Variants in PRICKLE1 observed in about 807,000 individuals in gnomAD.
The protein encoded by PRICKLE1 is prickle planar cell polarity protein 1, also known as prickle-like protein 1.
A neutral mutation model predicts 70.2 loss-of-function variants in PRICKLE1; 14 were observed. That is an observed-to-expected ratio of 0.20 (90% confidence interval 0.13 to 0.31). The LOEUF (loss-of-function observed/expected upper bound fraction) is 0.31, where lower values mean the gene tolerates loss of function less well. Among genes scored for constraint, PRICKLE1 ranks in the 10% least tolerant of loss-of-function variants. The pLI is 1.00. For synonymous variants in PRICKLE1, 357 were observed against 379.9 expected, an observed-to-expected ratio of 0.94 and a Z score of 0.70; for missense variants, 821 against 1,026.2, an observed-to-expected ratio of 0.80 and a Z score of 2.73.
At chr12:42,549,253 T>C (rs1376417051) in intron 1 of PRICKLE1, among the ~76,000 whole-genome samples, 2 of 152,022 alleles carry the variant, frequency 1.3e-5, no homozygotes, top group Non-Finnish European at 2.9e-5. Flanking sequence ...CCCAGATGTG[T>C]ATGTTATCAA....
At chr12:42,488,744 A>T (rs962117214) in intron 1 of PRICKLE1, among the ~76,000 whole-genome samples, 4 of 152,186 alleles carry the variant, frequency 2.6e-5, no homozygotes, top group Non-Finnish European at 5.9e-5. Flanking sequence ...TATAAGTAAT[A>T]TTTGGTAAGC....
intron 5 of PRICKLE1, among the ~76,000 whole-genome samples, chr12:42,467,644 G>C (rs1053201249): frequency 6.6e-6 from 1 of 152,070 alleles, no homozygotes; most frequent in Non-Finnish European, 1.5e-5. Context: ...TACTCGGGGG[G>C]CTGAGGTGCA....
chr12:42,556,163 C>T (rs1478046885), intron 1 of PRICKLE1, among the ~76,000 whole-genome samples: 1 of 152,300 alleles, frequency 6.6e-6, no homozygotes, highest in South Asian at 2.1e-4. Flanking sequence ...GCTGAATGAG[C>T]GTCTCTGGCC....
intron 1 of PRICKLE1, among the ~76,000 whole-genome samples, chr12:42,497,058 A>C (rs1242672604): frequency 6.6e-6 from 1 of 152,146 alleles, no homozygotes; most frequent in African/African-American, 2.4e-5. Context: ...CTTACTCACT[A>C]AGCTTAATCA....
chr12:42,468,496 G>T, intron 5 of PRICKLE1, 130 bp downstream of exon 5: 1 of 861,062 alleles, frequency 1.2e-6, no homozygotes, highest in Non-Finnish European at 1.9e-6. Flanking sequence ...TGAATGTACA[G>T]GATTATGTTT....
At chr12:42,475,856 GC>G (rs1243529326) in intron 1 of PRICKLE1, among the ~76,000 whole-genome samples, 1 of 87,706 alleles carries the variant, frequency 1.1e-5, no homozygotes, top group Non-Finnish European at 2.4e-5. Context: ...CATTTGGGAG[GC>G]TGGGGGGGGG....
In PRICKLE1 at chr12:42,552,059, CTTT is replaced by C. The variant is rs201217516; in HGVS notation, c.-49+37403_-49+37405del. 4.6e-5 allele frequency among the ~76,000 whole-genome samples: 6 copies of C among 129,254 alleles called. No individual in the cohort carries two copies. The South Asian group carries it at 1.5e-3, about 33-fold the overall frequency. 84.8% of individuals were successfully genotyped at this position (129,254 alleles called of 152,430 possible). A position where few individuals can be genotyped will look rare whatever the true frequency, so the allele number is the denominator to read the frequency against. On this transcript the variant is annotated intron_variant, in intron 1 of 7. Coordinates refer to ENST00000345127, the MANE Select transcript of PRICKLE1 (RefSeq NM_153026.3). The stretch of plus-strand genomic sequence containing the variant: ...AACCTGTACACATTCAAGAAAGTTA[CTTT>C]TTTTTTTTTTTTTTTTTTTTTGGAG...
intron 1 of PRICKLE1, among the ~76,000 whole-genome samples, chr12:42,507,393 C>T (rs921530): frequency 6.6e-6 from 1 of 152,084 alleles, no homozygotes; most frequent in Non-Finnish European, 1.5e-5. Flanking sequence ...GGGTTTTGAA[C>T]CCTTTTGAAC....
At chr12:42,468,038 G>A (rs1390132898) in intron 5 of PRICKLE1, among the ~76,000 whole-genome samples, 1 of 152,152 alleles carries the variant, frequency 6.6e-6, no homozygotes, top group Non-Finnish European at 1.5e-5. Flanking sequence ...TTATGGTTAT[G>A]TAAGACGTTA....
chr12:42,497,904 C>T (rs1437011629), intron 1 of PRICKLE1, among the ~76,000 whole-genome samples: 12 of 152,172 alleles, frequency 7.9e-5, no homozygotes, highest in African/African-American at 2.4e-5. Context: ...ACCCTGGACA[C>T]GACCGCAGCC....
At chr12:42,474,258 C>T (rs973897627) in intron 1 of PRICKLE1, among the ~76,000 whole-genome samples, 1 of 152,014 alleles carries the variant, frequency 6.6e-6, no homozygotes, top group African/African-American at 2.4e-5. Context: ...GGCGACAGAG[C>T]GAGACTCCGT....
intron 1 of PRICKLE1, among the ~76,000 whole-genome samples, chr12:42,534,781 C>T (rs1431199941): frequency 6.6e-6 from 1 of 151,740 alleles, no homozygotes; most frequent in Non-Finnish European, 1.5e-5. Flanking sequence ...AAAGGGGATA[C>T]TAAAAAAAAC....
At position 42,465,002 on chromosome 12, in the gene PRICKLE1, A is replaced by T; in HGVS notation, c.1032T>A (p.Asp344Glu). The T allele has an allele frequency of 6.2e-7, 1 of 1,609,224 alleles. No individual in the cohort carries two copies. Among genetic ancestry groups the T allele is most frequent in the Non-Finnish European group, 8.5e-7 (1 of 1,177,930 alleles). Residue 344 changes from aspartate to glutamate, a missense_variant, in exon 7 of 8, where the codon GAT becomes GAA. Physicochemically the swap from Asp to Glu is conservative, Grantham distance 45. Coordinates refer to ENST00000345127, the MANE Select transcript of PRICKLE1 (RefSeq NM_153026.3). ...ATAAGAGGAGAGACTGTCTACACTG[A>T]TCTGCTGACCGGCTGCTCTTGCCCA... ...VRMGKSSRSA[D>E]QCRQSLLLSP...
chr12:42,516,088 A>G lies in PRICKLE1; in HGVS notation c.-48-43524T>C, dbSNP rs369180367. 1.4e-3 allele frequency among the ~76,000 whole-genome samples: 210 copies of G among 151,290 alleles called. 3 individuals carry two copies. In the South Asian group the frequency reaches 0.042, roughly 31 times the overall value. On this transcript the variant is annotated intron_variant, in intron 1 of 7. Transcript: ENST00000345127. ...GTTTTTACTTTCTAGGCAATTTCCT[A>G]TACTGTAGCTTCCAAGACTTCTAGC...
At chr12:42,477,264 C>G (rs367700485) in intron 1 of PRICKLE1, among the ~76,000 whole-genome samples, 1 of 151,422 alleles carries the variant, frequency 6.6e-6, no homozygotes, top group East Asian at 2.0e-4. Context: ...CCCAGCTACT[C>G]GAGAGGCTGA....
intron 1 of PRICKLE1, among the ~76,000 whole-genome samples, chr12:42,489,412 C>A (rs1018051694): frequency 6.6e-6 from 1 of 150,924 alleles, no homozygotes; most frequent in South Asian, 2.1e-4. Context: ...GTAATCCCAG[C>A]ACTTTGGAAG....
intron 1 of PRICKLE1, among the ~76,000 whole-genome samples, chr12:42,503,315 G>T (rs780564004): frequency 6.6e-6 from 1 of 152,078 alleles, no homozygotes; most frequent in African/African-American, 2.4e-5. Flanking sequence ...TTTCACACCT[G>T]TTACTTATCT....
chr12:42,554,285 G>A (rs527973462), intron 1 of PRICKLE1, among the ~76,000 whole-genome samples: 1 of 152,258 alleles, frequency 6.6e-6, no homozygotes, highest in South Asian at 2.1e-4. Flanking sequence ...TATGTTATGT[G>A]CTCATTACAT....
intron 1 of PRICKLE1, among the ~76,000 whole-genome samples, chr12:42,519,809 AT>A (rs1256232596): frequency 6.6e-6 from 1 of 152,060 alleles, no homozygotes; most frequent in Non-Finnish European, 1.5e-5. Context: ...GACTTTGAGT[AT>A]TTGTTGTTGT....
Sources: gnomAD v4.1 joint callset for allele counts (sites outside exome capture counted in the v4.1 genomes callset) on GRCh38, gnomAD v4.1.1 for gene constraint, MANE v1.5 for transcripts, NCBI Gene and HGNC (gene_info 2026-07-23, HGNC 2026-07-21) for gene names.